Variants in DGKH observed in about 807,000 individuals in gnomAD.
DGKH encodes the protein diacylglycerol kinase eta, also known as DAG kinase eta.
In DGKH, 90 loss-of-function variants were observed where a neutral mutation model predicts 159.3. The ratio of observed to expected loss-of-function variants is 0.57; its 90% confidence interval spans 0.48 to 0.67. The LOEUF (loss-of-function observed/expected upper bound fraction) is 0.67, where lower values mean the gene tolerates loss of function less well. Ranked by LOEUF, DGKH falls within the 30% of genes least tolerant of loss-of-function variation. The pLI, the probability that DGKH is intolerant of heterozygous loss-of-function variation, is 0.00. For missense variants in DGKH, 1,181 were observed against 1,506.1 expected (o/e 0.78, Z 3.57); for synonymous variants, 536 against 553.8 (o/e 0.97, Z 0.45).
chr13:42,146,872 G>A (rs1955748472), intron 3 of DGKH, among the ~76,000 whole-genome samples: 1 of 152,162 alleles, frequency 6.6e-6, no homozygotes, highest in Non-Finnish European at 1.5e-5. Flanking sequence ...AATACATTTT[G>A]AATTTTGTAT....
At chr13:42,122,840 A>G (rs1955102986) in intron 1 of DGKH, among the ~76,000 whole-genome samples, 1 of 152,212 alleles carries the variant, frequency 6.6e-6, no homozygotes, top group Admixed American at 6.5e-5. Flanking sequence ...GATGAATAGG[A>G]GGAAATTTTG....
chr13:42,109,694 G>A (rs1954825459), intron 1 of DGKH, among the ~76,000 whole-genome samples: 1 of 151,950 alleles, frequency 6.6e-6, no homozygotes, highest in Non-Finnish European at 1.5e-5. Context: ...GTGTGTGTCT[G>A]TTGCTGTTTT....
At chr13:42,209,103 T>C in intron 22 of DGKH, 31 bp downstream of exon 22, 6 of 1,583,042 alleles carry the variant, frequency 3.8e-6, no homozygotes, top group Non-Finnish European at 5.2e-6. Context: ...CTGACTGCAC[T>C]TCTTGGGCTA....
chr13:42,111,910 T>C (rs942989567), intron 1 of DGKH, among the ~76,000 whole-genome samples: 1 of 151,982 alleles, frequency 6.6e-6, no homozygotes, highest in Admixed American at 6.6e-5. Context: ...TGGAAAGCCA[T>C]TTTTTTTATA....
At chr13:42,218,893 G>A (rs1957883167) in intron 26 of DGKH, among the ~76,000 whole-genome samples, 1 of 152,086 alleles carries the variant, frequency 6.6e-6, no homozygotes, top group African/African-American at 2.4e-5. Context: ...GGAAGAATTG[G>A]TAGATAAATG....
intron 21 of DGKH, among the ~76,000 whole-genome samples, chr13:42,207,320 G>C (rs1957531715): frequency 6.6e-6 from 1 of 151,144 alleles, no homozygotes; most frequent in Non-Finnish European, 1.5e-5. Context: ...CTCCTGGGTA[G>C]CTGGGACTAC....
chr13:42,116,514 TG>T (rs1954972016), intron 1 of DGKH, among the ~76,000 whole-genome samples: 1 of 152,208 alleles, frequency 6.6e-6, no homozygotes, highest in African/African-American at 2.4e-5. Context: ...CACTGACCTT[TG>T]CACTTTACAC....
intron 1 of DGKH, among the ~76,000 whole-genome samples, chr13:42,077,510 G>T (rs1220716303): frequency 6.6e-6 from 1 of 152,092 alleles, no homozygotes; most frequent in Non-Finnish European, 1.5e-5. Flanking sequence ...TATAAAAAAG[G>T]ATCAATAGTA....
chr13:42,214,652 T>C (rs1325432262), intron 25 of DGKH, 40 bp downstream of exon 25: 2 of 1,598,908 alleles, frequency 1.3e-6, no homozygotes, highest in Admixed American at 3.4e-5. Flanking sequence ...ACAGATTCTT[T>C]TGGGTGTTAC....
At chr13:42,171,856 G>A (rs1566155998) in intron 11 of DGKH, among the ~76,000 whole-genome samples, 1 of 137,126 alleles carries the variant, frequency 7.3e-6, no homozygotes, top group Non-Finnish European at 1.5e-5. Flanking sequence ...TTGAGACGGA[G>A]TCTCGCTCTG....
intron 3 of DGKH, among the ~76,000 whole-genome samples, chr13:42,150,058 T>C (rs1043925744): frequency 1.3e-5 from 2 of 152,188 alleles, no homozygotes; most frequent in African/African-American, 4.8e-5. Flanking sequence ...GTTCTTAGAG[T>C]ACTAAGTACT....
Position 42,236,251 on chromosome 13 carries a change from A to G in DGKH, c.*7063A>G, listed in dbSNP as rs1423425670. ...ACATATTCTAGCTCTTTTCCTTTTT[A>G]CTGCTGTTGTTTAGAGTGTGTAGTT... On this transcript the variant is annotated 3_prime_UTR_variant, in exon 30 of 30. Transcript: ENST00000337343. 1.3e-5 allele frequency: 2 copies of G among 152,124 alleles called. No individual in the cohort carries two copies. Among genetic ancestry groups the G allele is most frequent in the African/African-American group, 4.8e-5 (2 of 41,436 alleles). 9.4% of individuals were successfully genotyped at this position (152,124 alleles called of 1,614,324 possible).
chr13:42,159,242 C>CTATTT, intron 5 of DGKH, 24 bp from the exon 6 acceptor site: 1 of 159,042 alleles, frequency 6.3e-6, no homozygotes. Context: ...AAAGCAGTTG[C>CTATTT]TCTTTTTTTT....
At chr13:42,171,225 T>C (rs567318945) in intron 11 of DGKH, among the ~76,000 whole-genome samples, 89 of 152,352 alleles carry the variant, frequency 5.8e-4, no homozygotes, top group Non-Finnish European at 1.1e-3. Context: ...TCCATTTTAC[T>C]GGTGAAAAGG....
chr13:42,195,347 A>G (rs1282293988), intron 17 of DGKH, among the ~76,000 whole-genome samples: 2 of 152,150 alleles, frequency 1.3e-5, no homozygotes, highest in African/African-American at 4.8e-5. Flanking sequence ...TAAAAATACA[A>G]AAAAATTAGC....
intron 29 of DGKH, among the ~76,000 whole-genome samples, chr13:42,223,811 A>C (rs1025496801): frequency 2.6e-5 from 4 of 152,136 alleles, no homozygotes; most frequent in African/African-American, 7.2e-5. Context: ...TATTACCTTC[A>C]TAGTGGTTAA....
At chr13:42,204,058 TCAG>T (rs1387705351) in intron 20 of DGKH, among the ~76,000 whole-genome samples, 2 of 152,206 alleles carry the variant, frequency 1.3e-5, no homozygotes, top group African/African-American at 4.8e-5. Context: ...TATATTCACT[TCAG>T]CACCGCACAT....
intron 11 of DGKH, among the ~76,000 whole-genome samples, chr13:42,170,942 C>A (rs77246205): frequency 5.4e-4 from 74 of 136,016 alleles, no homozygotes; most frequent in African/African-American, 1.2e-3. Flanking sequence ...GACTCTGTCT[C>A]AAAAAAAAAA....
At chr13:42,128,305 T>C (rs1955213588) in intron 2 of DGKH, among the ~76,000 whole-genome samples, 1 of 152,230 alleles carries the variant, frequency 6.6e-6, no homozygotes, top group African/African-American at 2.4e-5. Flanking sequence ...TTAATTATTT[T>C]CATTTTTATA....
Sources: gnomAD v4.1 joint callset for allele counts (sites outside exome capture counted in the v4.1 genomes callset) on GRCh38, gnomAD v4.1.1 for gene constraint, MANE v1.5 for transcripts, NCBI Gene and HGNC (gene_info 2026-07-23, HGNC 2026-07-21) for gene names.